Variants in HPRT1 observed in about 807,000 individuals in gnomAD.
The protein encoded by HPRT1 is hypoxanthine phosphoribosyltransferase 1.
In HPRT1, 4 loss-of-function variants were observed where a neutral mutation model predicts 19.0. That is an observed-to-expected ratio of 0.21 (90% CI 0.10 to 0.48). The LOEUF (loss-of-function observed/expected upper bound fraction) is 0.48, where lower values mean the gene tolerates loss of function less well. HPRT1 is among the 20% of genes least tolerant of loss of function. The pLI is 0.98. For missense variants in HPRT1, 65 were observed against 164.0 expected, an observed-to-expected ratio of 0.40 and a Z score of 3.30; for synonymous variants, 53 against 54.9, an observed-to-expected ratio of 0.97 and a Z score of 0.15.
chrX:134,480,799 G>C (rs1337553408), intron 3 of HPRT1, among the ~76,000 whole-genome samples: 6 of 97,987 alleles, frequency 6.1e-5, no homozygotes, highest in African/African-American at 2.3e-4. Flanking sequence ...AAACACATAT[G>C]TGTATTTGTG....
chrX:134,468,963 G>T (rs2077604155), intron 1 of HPRT1, among the ~76,000 whole-genome samples: 1 of 109,145 alleles, frequency 9.2e-6, no homozygotes, highest in Admixed American at 1.0e-4. Flanking sequence ...TTGCTCTGTT[G>T]CCCAGGCTGG....
intron 1 of HPRT1, among the ~76,000 whole-genome samples, chrX:134,468,850 A>G (rs1602738409): frequency 8.9e-6 from 1 of 111,827 alleles, no homozygotes; most frequent in Admixed American, 9.5e-5. Flanking sequence ...AAGCTGGGAA[A>G]AGTTGTCATT....
At chrX:134,486,590 G>A in intron 4 of HPRT1, 60 bp downstream of exon 4, 1 of 676,666 alleles carries the variant, frequency 1.5e-6, no homozygotes, top group Non-Finnish European at 2.4e-6. Context: ...TAGTAACAGT[G>A]TGCTTTCAAT....
At chrX:134,476,108 G>A (rs1348081786) in intron 3 of HPRT1, among the ~76,000 whole-genome samples, 1 of 112,098 alleles carries the variant, frequency 8.9e-6, no homozygotes, top group African/African-American at 3.2e-5. Flanking sequence ...CAAATGTCCA[G>A]TTTTTGCTGT....
chrX:134,470,767 ATATT>A (rs759984344), intron 1 of HPRT1, among the ~76,000 whole-genome samples: 153 of 110,441 alleles, frequency 1.4e-3, no homozygotes, highest in African/African-American at 4.6e-3. Flanking sequence ...AAAAATATAT[ATATT>A]AAAGTGTAGA....
chrX:134,462,122 C>G (rs1489650946), intron 1 of HPRT1, among the ~76,000 whole-genome samples: 1 of 111,488 alleles, frequency 9.0e-6, no homozygotes, highest in Non-Finnish European at 1.9e-5. Flanking sequence ...TCCCAAGTAG[C>G]TGGGACTACA....
intron 1 of HPRT1, among the ~76,000 whole-genome samples, chrX:134,460,747 C>T (rs918364016): frequency 9.2e-6 from 1 of 108,801 alleles, no homozygotes; most frequent in Non-Finnish European, 1.9e-5. Flanking sequence ...GTGAGGTTCT[C>T]GGGGCACCTC....
At chrX:134,493,649 G>T in intron 6 of HPRT1, 59 bp downstream of exon 6, 1 of 745,980 alleles carries the variant, frequency 1.3e-6, no homozygotes, top group East Asian at 3.2e-5. Flanking sequence ...TTAAGTGATT[G>T]CTTCTTTTTA....
At chrX:134,473,919 A>G (rs2077616813) in intron 2 of HPRT1, among the ~76,000 whole-genome samples, 1 of 112,264 alleles carries the variant, frequency 8.9e-6, no homozygotes, top group African/African-American at 3.2e-5. Flanking sequence ...TAAAATTATA[A>G]TATCAAAATA....
In HPRT1 at chrX:134,465,901, C is replaced by T. The variant is rs762956951; in HGVS notation, c.27+5563C>T. ...GATATTTTGGGGTTGAGCCCTTCCC[C>T]AAAGCCATACAGGACCTTTTTTTTG... On this transcript the variant is annotated intron_variant, in intron 1 of 8. Transcript: ENST00000298556. Among the ~76,000 whole-genome samples, 4 of 111,601 alleles carry T rather than the reference C, an allele frequency of 3.6e-5. No individual in the cohort carries two copies. The Admixed American group carries it at 3.8e-4, about 11-fold the overall frequency.
chrX:134,485,712 G>C (rs998674029), intron 3 of HPRT1, among the ~76,000 whole-genome samples: 20 of 111,680 alleles, frequency 1.8e-4, no homozygotes, highest in African/African-American at 6.5e-4. Context: ...GTGGCTTTGT[G>C]GTATGGTATG....
At chrX:134,494,004 G>C (rs2077674289) in intron 6 of HPRT1, among the ~76,000 whole-genome samples, 1 of 112,031 alleles carries the variant, frequency 8.9e-6, no homozygotes, top group Non-Finnish European at 1.9e-5. Context: ...ATTTTATAAT[G>C]CCTGCTTCCT....
chrX:134,460,222 C>G lies in HPRT1; in HGVS notation c.-90C>G. 1.0e-6 allele frequency: 1 copy of G among 992,843 alleles called. No homozygotes were observed. Among genetic ancestry groups the G allele is most frequent in the Non-Finnish European group, 1.3e-6 (1 of 741,921 alleles). 81.8% of individuals were successfully genotyped at this position (992,843 alleles called of 1,213,427 possible). A position where few individuals can be genotyped will look rare whatever the true frequency, so the allele number is the denominator to read the frequency against. Reference sequence around the variant, plus strand: ...AACCTCTCGGCTTTCCCGCGCGGCGCCGCCTCTTGCTGCGCCTCCGCCTCC... The same window carrying G: ...AACCTCTCGGCTTTCCCGCGCGGCGGCGCCTCTTGCTGCGCCTCCGCCTCC... On this transcript the variant is annotated 5_prime_UTR_variant, in exon 1 of 9. Transcript: ENST00000298556.
At chrX:134,465,628 C>T (rs1367741330) in intron 1 of HPRT1, among the ~76,000 whole-genome samples, 1 of 112,295 alleles carries the variant, frequency 8.9e-6, no homozygotes, top group Non-Finnish European at 1.9e-5. Context: ...GTACCTGTAG[C>T]GATTTTTATC....
rs1415553446 is a variant in HPRT1, at chrX:134,469,999, A to ATTCTT, written c.28-3358_28-3354dup. Reference sequence around the variant, plus strand: ...GGTGACACACAAATGTCCCATTTTCATTCTTTCTATAGTAAATATGTTCTG... The same window carrying ATTCTT: ...GGTGACACACAAATGTCCCATTTTCATTCTTTTCTTTCTATAGTAAATATGTTCTG... On this transcript the variant is annotated intron_variant, in intron 1 of 8. Coordinates refer to ENST00000298556, the MANE Select transcript of HPRT1 (RefSeq NM_000194.3). Among the ~76,000 whole-genome samples, 3 of 112,832 alleles carry ATTCTT rather than the reference A, an allele frequency of 2.7e-5. No individual in the cohort carries two copies. The Admixed American group carries it at 2.8e-4, about 11-fold the overall frequency.
chrX:134,476,992 A>ATTTTTTTT, intron 3 of HPRT1, among the ~76,000 whole-genome samples: 1 of 107,622 alleles, frequency 9.3e-6, no homozygotes, highest in South Asian at 4.0e-4. Flanking sequence ...TAGATATACT[A>ATTTTTTTT]TTTTTTTGGT....
At chrX:134,486,781 T>A in intron 4 of HPRT1, 1 of 280,727 alleles carries the variant, frequency 3.6e-6, no homozygotes, top group East Asian at 8.4e-5. Context: ...TAATTTGGGA[T>A]CCTTCAAAAA....
At chrX:134,465,146 G>A (rs953489091) in intron 1 of HPRT1, among the ~76,000 whole-genome samples, 1 of 108,854 alleles carries the variant, frequency 9.2e-6, no homozygotes, top group Non-Finnish European at 1.9e-5. Context: ...GGGGTGATCC[G>A]CCCACCTCAG....
chrX:134,500,155 T>C lies in HPRT1; in HGVS notation c.*78T>C. The C allele has an allele frequency of 1.5e-6, 1 of 672,177 alleles. No individual in the cohort carries two copies. The highest frequency in any genetic ancestry group is 3.0e-4 in the Middle Eastern group (1 of 3,296). The allele number at this position is 672,177 out of a possible 1,213,427, so 55.4% of individuals were successfully genotyped here. On this transcript the variant is annotated 3_prime_UTR_variant, in exon 9 of 9. Coordinates refer to ENST00000298556, the MANE Select transcript of HPRT1 (RefSeq NM_000194.3). ...AGTAAAATTATCAATGTTCTAGTTC[T>C]GTGGCCATCTGCTTAGTAGAGCTTT...
Sources: allele counts gnomAD v4.1 joint callset (sites outside exome capture counted in the v4.1 genomes callset), GRCh38; gene constraint gnomAD v4.1.1; transcripts MANE v1.5; gene names NCBI Gene and HGNC (gene_info 2026-07-23, HGNC 2026-07-21).